Variants in AMZ1 observed in about 807,000 individuals in gnomAD.
AMZ1 encodes archaemetzincin-1.
Under a neutral mutation model 29.9 loss-of-function variants are expected in AMZ1, and 39 were observed. That is an observed-to-expected ratio of 1.30 (90% CI 1.01 to 1.70). The LOEUF is 1.70. Ranked by LOEUF, AMZ1 falls within the 40% of genes most tolerant of loss-of-function variation. The probability of loss-of-function intolerance (pLI) is 0.00; values close to 1 mark genes in which losing one functional copy is unlikely to be tolerated. For synonymous variants in AMZ1, 458 were observed against 304.0 expected (o/e 1.51, Z -5.27); for missense variants, 1,041 against 680.6 (o/e 1.53, Z -5.89).
rs1454040683 is a variant in AMZ1, at chr7:2,748,097, T to C, written n.551-16615T>C. 2.6e-3 allele frequency among the ~76,000 whole-genome samples: 391 copies of C among 150,818 alleles called. 1 individual carries two copies. The highest frequency in any genetic ancestry group is 9.3e-3 in the African/African-American group (378 of 40,854). ...TGGCCATACTGCCCAAGGTAATTTATAGATTCAATGCCATCCCCATCAAGC... is the reference window on the plus strand; with the variant it reads ...TGGCCATACTGCCCAAGGTAATTTACAGATTCAATGCCATCCCCATCAAGC... On this transcript the variant is annotated intron_variant and non_coding_transcript_variant, in intron 4 of 4. Coordinates refer to the AMZ1 transcript ENST00000489665.
intron 4 of AMZ1, among the ~76,000 whole-genome samples, chr7:2,754,259 C>T (rs938903016): frequency 6.6e-6 from 1 of 152,150 alleles, no homozygotes; most frequent in East Asian, 1.9e-4. Flanking sequence ...TCTTCTCGTG[C>T]TTATGTGCCA....
At chr7:2,720,082 C>T (rs1290826863), downstream of AMZ1, among the ~76,000 whole-genome samples, 1 of 152,222 alleles carries the variant, frequency 6.6e-6, no homozygotes, top group Non-Finnish European at 1.5e-5. Flanking sequence ...CAATTCCTTG[C>T]ATTTGAGAAG....
chr7:2,695,430 T>C (rs553609957), intron 1 of AMZ1, among the ~76,000 whole-genome samples: 1 of 152,126 alleles, frequency 6.6e-6, no homozygotes, highest in South Asian at 2.1e-4. Flanking sequence ...AAAATCTGCA[T>C]GTTCAGGCCC....
chr7:2,705,036 G>C (rs974181441), intron 3 of AMZ1, among the ~76,000 whole-genome samples: 1 of 152,190 alleles, frequency 6.6e-6, no homozygotes, highest in Non-Finnish European at 1.5e-5. Context: ...TGTTATTTCT[G>C]CTAATTTTGT....
chr7:2,725,434 G>A (rs762256672), intron 4 of AMZ1, among the ~76,000 whole-genome samples: 1 of 152,238 alleles, frequency 6.6e-6, no homozygotes, highest in Non-Finnish European at 1.5e-5. Flanking sequence ...CAATACTGCA[G>A]CCCAGAAATC....
chr7:2,709,152 G>T lies in AMZ1; in HGVS notation c.679G>T (p.Val227Leu). Residue 227 changes from valine (V) to leucine (L), a missense_variant, in exon 5 of 7, where the codon GTA (valine) becomes TTA (leucine). Val to Leu is a conservative substitution (Grantham distance 32). Coordinates refer to ENST00000683327, the MANE Select transcript of AMZ1 (RefSeq NM_001384743.1). The stretch of plus-strand genomic sequence containing the variant: ...GCCCAGCGCCCCTGATCTGGCCCTG[G>T]TAGAGGCAGCAGCAGACGGCCCCGA... ...SGPSAPDLAL[V>L]EAAADGPEAP... 6.3e-7 allele frequency: 1 copy of T among 1,583,946 alleles called. No individual in the cohort carries two copies. The highest frequency in any genetic ancestry group is 2.3e-5 in the East Asian group (1 of 43,898).
In AMZ1 at chr7:2,700,510, C is replaced by G; in HGVS notation, c.59C>G (p.Ala20Gly). ...FSFGPRALKD[A>G]LVSTDAALQQ... ...TTCGGGCCCCGGGCCTTGAAGGACG[C>G]TCTGGTCTCCACTGACGCAGCCCTG... The change falls in exon 2 of 7, where the codon GCT becomes GGT. Residue 20 changes from alanine (A) to glycine (G), a missense_variant. Physicochemically the swap from Ala to Gly is moderately conservative, Grantham distance 60. Transcript: ENST00000683327. 2 of 1,606,798 alleles carry G rather than the reference C, an allele frequency of 1.2e-6. No homozygotes were observed. The highest frequency in any genetic ancestry group is 1.3e-5 in the African/African-American group (1 of 75,048).
At chr7:2,751,545 T>C (rs1791041018) in intron 4 of AMZ1, among the ~76,000 whole-genome samples, 1 of 151,938 alleles carries the variant, frequency 6.6e-6, no homozygotes, top group African/African-American at 2.4e-5. Context: ...AACAATGAAA[T>C]GGAAAATGAA....
rs573734649 is a variant in AMZ1, at chr7:2,693,190, CTCCCGAGTTTAAGCAAT to C, written c.-219+4897_-219+4913del. ...GATTTCGGCTCACCGCAACCTCCGC[CTCCCGAGTTTAAGCAAT>C]TCTTCTGAGTAGCTGGGATTACAGG... On this transcript the variant is annotated intron_variant, in intron 1 of 6. Transcript: ENST00000683327. 5.3e-5 allele frequency among the ~76,000 whole-genome samples: 8 copies of C among 152,316 alleles called. No individual in the cohort carries two copies. In the East Asian group the frequency reaches 1.5e-3, roughly 29 times the overall value.
At chr7:2,739,187 A>G (rs1583215550) in intron 4 of AMZ1, among the ~76,000 whole-genome samples, 1 of 152,214 alleles carries the variant, frequency 6.6e-6, no homozygotes, top group African/African-American at 2.4e-5. Flanking sequence ...GATCTACATA[A>G]TAGAAAATTC....
intron 4 of AMZ1, among the ~76,000 whole-genome samples, chr7:2,747,018 C>A (rs1246337599): frequency 1.3e-5 from 2 of 152,106 alleles, no homozygotes; most frequent in African/African-American, 4.8e-5. Context: ...GAAATTGAGG[C>A]AATAATCAAT....
intron 6 of AMZ1, among the ~76,000 whole-genome samples, chr7:2,711,439 T>C (rs1319980276): frequency 6.6e-6 from 1 of 152,204 alleles, no homozygotes; most frequent in African/African-American, 2.4e-5. Flanking sequence ...GTGATGTCAG[T>C]GAGTGCTGAG....
At chr7:2,727,684 C>T (rs1481782224) in intron 4 of AMZ1, among the ~76,000 whole-genome samples, 1 of 152,148 alleles carries the variant, frequency 6.6e-6, no homozygotes, top group Non-Finnish European at 1.5e-5. Flanking sequence ...GGTTCTCCTA[C>T]ATGCCAGGCT....
Position 2,731,877 on chromosome 7 carries a change from C to G in AMZ1, n.550+22061C>G. 1.9e-6 allele frequency: 1 copy of G among 531,876 alleles called. No individual in the cohort carries two copies. The highest frequency in any genetic ancestry group is 2.9e-5 in the East Asian group (1 of 34,592). The allele number at this position is 531,876 out of a possible 1,614,324, so 32.9% of individuals were successfully genotyped here. A position where few individuals can be genotyped will look rare whatever the true frequency, so the allele number is the denominator to read the frequency against. ...TTTTGCAACAGGTTGAACCAGAAAC[C>G]AAAAGCAAATTTCATTTATAACATT... On this transcript the variant is annotated intron_variant and non_coding_transcript_variant, in intron 4 of 4. Transcript: ENST00000489665. This position sits in a 1 kb window ranked among gnomAD's most constrained non-coding sequence, Gnocchi z 6.0.
intron 4 of AMZ1, among the ~76,000 whole-genome samples, chr7:2,742,364 T>C (rs559390912): frequency 1.3e-5 from 2 of 151,886 alleles, no homozygotes; most frequent in South Asian, 2.1e-4. Flanking sequence ...GCCCTTGGGG[T>C]TTTTGCGATG....
intron 6 of AMZ1, among the ~76,000 whole-genome samples, chr7:2,710,163 C>T (rs182682943): frequency 1.1e-4 from 17 of 152,200 alleles, no homozygotes; most frequent in South Asian, 4.1e-4. Flanking sequence ...TTTGCTTTCC[C>T]GTCACCCACA....
chr7:2,762,885 C>A (rs761444972), upstream of AMZ1: 15 of 1,438,480 alleles, frequency 1.0e-5, no homozygotes, highest in South Asian at 2.3e-4. Flanking sequence ...GCTCGTGGAG[C>A]CATTGGTGCT....
intron 3 of AMZ1, among the ~76,000 whole-genome samples, chr7:2,704,507 T>C (rs192899200): frequency 9.2e-5 from 14 of 151,532 alleles, no homozygotes; most frequent in Non-Finnish European, 5.9e-5. Context: ...AACCCCCATA[T>C]ATTGTGTTCC....
chr7:2,724,959 T>C (rs1240988404), intron 4 of AMZ1, among the ~76,000 whole-genome samples: 1 of 150,520 alleles, frequency 6.6e-6, no homozygotes, highest in East Asian at 1.9e-4. Context: ...GTGGTCTGCT[T>C]TTCTGCGCAG....
Sources: gnomAD v4.1 joint callset for allele counts (sites outside exome capture counted in the v4.1 genomes callset) on GRCh38, gnomAD v4.1.1 for gene constraint, Gnocchi (gnomAD v3.1) non-coding constraint, MANE v1.5 for transcripts, NCBI Gene and HGNC (gene_info 2026-07-23, HGNC 2026-07-21) for gene names.